DLG2: variants seen among roughly 807,000 people sequenced by gnomAD.
DLG2 encodes the protein discs large MAGUK scaffold protein 2.
A neutral mutation model predicts 132.5 loss-of-function variants in DLG2; 45 were observed. That is an observed-to-expected ratio of 0.34 (90% CI 0.27 to 0.44). The LOEUF is 0.44. DLG2 is among the 20% of genes least tolerant of loss of function. DLG2 has a pLI of 1.00. For synonymous variants in DLG2, 424 were observed against 419.6 expected (o/e 1.01, Z -0.13); for missense variants, 1,045 against 1,196.9 (o/e 0.87, Z 1.87).
At chr11:83,623,800 C>G (rs1448039566) in intron 19 of DLG2, among the ~76,000 whole-genome samples, 1 of 152,234 alleles carries the variant, frequency 6.6e-6, no homozygotes, top group African/African-American at 2.4e-5. Flanking sequence ...ACTAACCTAA[C>G]CTACATGATT....
chr11:83,823,447 A>T (rs1160807277), intron 17 of DLG2, among the ~76,000 whole-genome samples: 2 of 152,162 alleles, frequency 1.3e-5, no homozygotes, highest in Non-Finnish European at 2.9e-5. Context: ...CATTTTTCTG[A>T]TCTATAGGAA....
chr11:84,660,047 T>A (rs1470457801), intron 6 of DLG2, among the ~76,000 whole-genome samples: 1 of 152,052 alleles, frequency 6.6e-6, no homozygotes, highest in Non-Finnish European at 1.5e-5. Context: ...ACTTGAGCCT[T>A]AGTGCTCAGA....
At chr11:84,347,461 C>A (rs964425337) in intron 7 of DLG2, among the ~76,000 whole-genome samples, 1 of 152,164 alleles carries the variant, frequency 6.6e-6, no homozygotes, top group African/African-American at 2.4e-5. Context: ...AATCTCAACC[C>A]TCTCCCTTGA....
chr11:84,650,691 T>C (rs2099680450), intron 6 of DLG2, among the ~76,000 whole-genome samples: 1 of 151,962 alleles, frequency 6.6e-6, no homozygotes, highest in African/African-American at 2.4e-5. Flanking sequence ...TTGCTATTCA[T>C]AGTCTCTTAT....
intron 8 of DLG2, among the ~76,000 whole-genome samples, chr11:84,172,671 T>C (rs2095851994): frequency 1.3e-5 from 2 of 152,038 alleles, no homozygotes; most frequent in Admixed American, 6.6e-5. Flanking sequence ...GCCTCCCAAG[T>C]AGCTGTGATT....
intron 10 of DLG2, among the ~76,000 whole-genome samples, chr11:84,070,826 A>G (rs1300382885): frequency 6.6e-6 from 1 of 152,150 alleles, no homozygotes; most frequent in Non-Finnish European, 1.5e-5. Context: ...CTGGTGTTCT[A>G]TAAACCTAAA....
At chr11:85,439,730 T>C (rs2091681391) in intron 3 of DLG2, among the ~76,000 whole-genome samples, 1 of 152,116 alleles carries the variant, frequency 6.6e-6, no homozygotes, top group Non-Finnish European at 1.5e-5. Context: ...AAGAGATATA[T>C]GTGTGAAACA....
chr11:84,671,488 T>C lies in DLG2; in HGVS notation c.358-136757A>G, dbSNP rs117993733. 4.3e-4 allele frequency among the ~76,000 whole-genome samples: 66 copies of C among 152,168 alleles called. No homozygotes were observed. The East Asian group carries it at 0.012, about 29-fold the overall frequency. ...ATGTCCTACAGCTGGAAGAGCAAGATGACAGTAGGGGGAGGAGATTAGTTG... is the reference window on the plus strand; with the variant it reads ...ATGTCCTACAGCTGGAAGAGCAAGACGACAGTAGGGGGAGGAGATTAGTTG... On this transcript the variant is annotated intron_variant, in intron 6 of 27. Transcript: ENST00000376104.
At chr11:85,160,413 T>G (rs2077935118) in intron 4 of DLG2, among the ~76,000 whole-genome samples, 1 of 152,216 alleles carries the variant, frequency 6.6e-6, no homozygotes, top group South Asian at 2.1e-4. Flanking sequence ...TCTAGGATTT[T>G]GGAGCAAGGT....
intron 7 of DLG2, among the ~76,000 whole-genome samples, chr11:84,412,388 A>G (rs1242058531): frequency 6.6e-6 from 1 of 151,754 alleles, no homozygotes; most frequent in Non-Finnish European, 1.5e-5. Context: ...CAAGTTCTAC[A>G]CTATTGACAT....
At chr11:83,916,704 A>G (rs115254647) in intron 15 of DLG2, among the ~76,000 whole-genome samples, 2,767 of 152,286 alleles carry the variant, frequency 0.018, 91 homozygotes, top group African/African-American at 0.063. Context: ...TTCTTTCCCC[A>G]TCCCAATCAT....
At chr11:85,374,922 G>C (rs1192195787) in intron 3 of DLG2, among the ~76,000 whole-genome samples, 2 of 151,990 alleles carry the variant, frequency 1.3e-5, no homozygotes, top group African/African-American at 2.4e-5. Flanking sequence ...CTTTAGGGCT[G>C]AAATGTTACG....
chr11:84,734,802 G>T (rs979023473), intron 6 of DLG2, among the ~76,000 whole-genome samples: 2 of 152,120 alleles, frequency 1.3e-5, no homozygotes, highest in Admixed American at 6.5e-5. Flanking sequence ...ATTATTTTGA[G>T]ATACATCCCA....
At chr11:84,890,316 C>G (rs185958424) in intron 6 of DLG2, among the ~76,000 whole-genome samples, 6 of 152,234 alleles carry the variant, frequency 3.9e-5, no homozygotes, top group Admixed American at 3.3e-4. Flanking sequence ...TACAAAAGGT[C>G]CAAGTTACCT....
chr11:85,534,720 T>G (rs914807131), intron 3 of DLG2, among the ~76,000 whole-genome samples: 2 of 152,256 alleles, frequency 1.3e-5, no homozygotes, highest in Non-Finnish European at 2.9e-5. Context: ...GTACCACATT[T>G]CCTTTACGTA....
chr11:85,582,770 T>C (rs549054259), intron 3 of DLG2, among the ~76,000 whole-genome samples: 141 of 149,604 alleles, frequency 9.4e-4, no homozygotes, highest in Non-Finnish European at 1.5e-3. Flanking sequence ...ATAACTTTTT[T>C]TTCAAAACTC....
intron 19 of DLG2, chr11:83,632,371 A>T (rs891132603): frequency 1.3e-5 from 2 of 152,264 alleles, no homozygotes; most frequent in African/African-American, 4.8e-5. Context: ...GGAGTGGAGA[A>T]TACAATAAGA....
intron 6 of DLG2, among the ~76,000 whole-genome samples, chr11:84,629,422 T>A (rs1352498729): frequency 6.6e-6 from 1 of 152,194 alleles, no homozygotes; most frequent in African/African-American, 2.4e-5. Flanking sequence ...TGGGGAGCTG[T>A]CACTGGAGAT....
At chr11:85,388,992 C>A (rs926409861) in intron 3 of DLG2, among the ~76,000 whole-genome samples, 3 of 152,000 alleles carry the variant, frequency 2.0e-5, no homozygotes, top group Non-Finnish European at 2.9e-5. Flanking sequence ...TGGATCCAAA[C>A]CAAGATGAAG....
Sources: allele counts gnomAD v4.1 joint callset (sites outside exome capture counted in the v4.1 genomes callset), GRCh38; gene constraint gnomAD v4.1.1; transcripts MANE v1.5; gene names NCBI Gene and HGNC (gene_info 2026-07-23, HGNC 2026-07-21).